The following SLC9C1 variants were observed in gnomAD, a reference collection of about 807,000 sequenced individuals.
SLC9C1 encodes the protein sodium/hydrogen exchanger 10.
Under a neutral mutation model 140.9 loss-of-function variants are expected in SLC9C1, and 97 were observed. The ratio of observed to expected loss-of-function variants is 0.69; its 90% CI spans 0.58 to 0.82. The LOEUF is 0.82. SLC9C1 is among the 40% of genes least tolerant of loss of function. The pLI is 0.00. For missense variants in SLC9C1, 1,340 were observed against 1,389.3 expected (o/e 0.96, Z 0.56); for synonymous variants, 440 against 442.6 (o/e 0.99, Z 0.07).
At chr3:112,159,557 T>C (rs1057279525) in intron 26 of SLC9C1, among the ~76,000 whole-genome samples, 40 of 152,156 alleles carry the variant, frequency 2.6e-4, no homozygotes, top group African/African-American at 9.4e-4. Context: ...TGAAATACTC[T>C]GTAAATGTCT....
chr3:112,244,856 G>C (rs997597223), intron 10 of SLC9C1, among the ~76,000 whole-genome samples: 2 of 152,184 alleles, frequency 1.3e-5, no homozygotes, highest in African/African-American at 4.8e-5. Context: ...GAAACTTTAA[G>C]ATATTGGTAC....
chr3:112,182,372 T>C lies in SLC9C1; in HGVS notation c.2524-114A>G, dbSNP rs1477327658. The stretch of plus-strand genomic sequence containing the variant: ...CTTGATCATTTGACATTTTTCTTCT[T>C]CCATGAACATTTTCAACCTCTCTTT... On this transcript the variant is annotated intron_variant, in intron 20 of 28. Coordinates refer to ENST00000305815, the MANE Select transcript of SLC9C1 (RefSeq NM_183061.3). 4 of 1,143,890 alleles carry C rather than the reference T, an allele frequency of 3.5e-6. No individual in the cohort carries two copies. The African/African-American group carries it at 4.7e-5, about 14-fold the overall frequency. The allele number at this position is 1,143,890 out of a possible 1,614,324, so 70.9% of individuals were successfully genotyped here.
rs565717324 is a variant in SLC9C1, at chr3:112,277,965, AG to A, written c.319-106del. On this transcript the variant is annotated intron_variant, in intron 4 of 28. Transcript: ENST00000305815. ...AGATACAGAATCAACCAACACCAAC[AG>A]TACCCACCAGCAGACACAGGAGTGG... 61 of 909,018 alleles carry A rather than the reference AG, an allele frequency of 6.7e-5. No homozygotes were observed. The African/African-American group carries it at 9.1e-4, about 14-fold the overall frequency. The allele number at this position is 909,018 out of a possible 1,614,324, so 56.3% of individuals were successfully genotyped here.
chr3:112,287,006 C>T (rs1559756174), intron 1 of SLC9C1, 128 bp from the exon 2 acceptor site: 2 of 430,354 alleles, frequency 4.6e-6, no homozygotes, highest in South Asian at 4.2e-5. Context: ...GATGCCTCTC[C>T]CTTCTATGAT....
At chr3:112,196,599 A>C (rs974538151) in intron 20 of SLC9C1, among the ~76,000 whole-genome samples, 6 of 152,012 alleles carry the variant, frequency 3.9e-5, no homozygotes, top group Non-Finnish European at 8.8e-5. Context: ...CAGACATGTA[A>C]TTTCCAGTGA....
At chr3:112,202,916 C>G (rs998002009) in intron 17 of SLC9C1, among the ~76,000 whole-genome samples, 5 of 151,916 alleles carry the variant, frequency 3.3e-5, no homozygotes, top group Non-Finnish European at 7.4e-5. Flanking sequence ...GTGCAGTCCC[C>G]TAGCTTCTGC....
At chr3:112,281,373 T>G (rs967715685) in intron 2 of SLC9C1, among the ~76,000 whole-genome samples, 3 of 152,136 alleles carry the variant, frequency 2.0e-5, no homozygotes, top group Non-Finnish European at 4.4e-5. Flanking sequence ...GGGTGCAGTC[T>G]CTGAAACTGG....
chr3:112,290,564 C>G (rs2080649809), intron 1 of SLC9C1, among the ~76,000 whole-genome samples: 1 of 152,098 alleles, frequency 6.6e-6, no homozygotes, highest in Non-Finnish European at 1.5e-5. Flanking sequence ...TAGAAGTCTA[C>G]AGGTTCATTT....
rs1560067690 is a variant in SLC9C1, at chr3:112,208,346, TGTATGGCATATACGAAAAAAGAA to T, written c.1795_1817del (p.Phe599AsnfsTer5). The T allele has an allele frequency of 1.9e-6, 3 of 1,576,714 alleles. No homozygotes were observed. The highest frequency in any genetic ancestry group is 1.7e-6 in the Non-Finnish European group (2 of 1,163,042). On this transcript the variant is annotated frameshift_variant, in exon 16 of 29. Transcript: ENST00000305815. LOFTEE classifies it high-confidence loss of function. ...GTTCAAATTCCTCAGTAAATACTAT[TGTATGGCATATACGAAAAAAGAA>T]GTATCTGTAAAACAAAAAGACAGTT...
At chr3:112,292,723 T>C (rs2080721905) in intron 1 of SLC9C1, among the ~76,000 whole-genome samples, 1 of 151,732 alleles carries the variant, frequency 6.6e-6, no homozygotes, top group African/African-American at 2.4e-5. Flanking sequence ...TTTTGTATTT[T>C]TAGTAGAGAC....
At chr3:112,185,977 C>T (rs1309300788) in intron 20 of SLC9C1, 19 of 1,555,816 alleles carry the variant, frequency 1.2e-5, no homozygotes, top group South Asian at 2.4e-5. Context: ...TCTCTGCTGC[C>T]GGCTGGGACC....
Position 112,286,759 on chromosome 3 carries a change from A to T in SLC9C1, c.33T>A (p.Ser11Arg). 6.2e-7 allele frequency: 1 copy of T among 1,612,724 alleles called. No homozygotes were observed. Among genetic ancestry groups the T allele is most frequent in the Non-Finnish European group, 8.5e-7 (1 of 1,179,548 alleles). ...GAATGACTTCAGGGAGGTCCTCAGT[A>T]CTGAAAAAAAACTCCTTAAATATTC... MAGIFKEFFF[S>R]TEDLPEVILT... The change falls in exon 2 of 29, where the codon AGT becomes AGA. Residue 11 changes from serine (S) to arginine (R), a missense_variant. Coordinates refer to ENST00000305815, the MANE Select transcript of SLC9C1 (RefSeq NM_183061.3).
At chr3:112,211,941 T>C (rs2078219003) in intron 15 of SLC9C1, among the ~76,000 whole-genome samples, 1 of 152,132 alleles carries the variant, frequency 6.6e-6, no homozygotes. Context: ...AGTAGCCTAA[T>C]TGGGAGGCAC....
chr3:112,168,551 G>T (rs190117463), intron 25 of SLC9C1, among the ~76,000 whole-genome samples: 1 of 152,178 alleles, frequency 6.6e-6, no homozygotes, highest in Non-Finnish European at 1.5e-5. Flanking sequence ...TCTGCAACAT[G>T]TGAGTAAAAT....
At chr3:112,206,294 G>A (rs7639963) in intron 16 of SLC9C1, among the ~76,000 whole-genome samples, 114,580 of 151,738 alleles carry the variant, frequency 0.76, 43,672 homozygotes, top group East Asian at 0.99. Context: ...CAAAACCACA[G>A]TGAGATAACA....
intron 20 of SLC9C1, among the ~76,000 whole-genome samples, chr3:112,184,772 A>G (rs2077501740): frequency 6.6e-6 from 1 of 152,262 alleles, no homozygotes; most frequent in Non-Finnish European, 1.5e-5. Context: ...CCCTGAGGCT[A>G]CAAACCGTGA....
At chr3:112,289,981 G>A (rs1357522574) in intron 1 of SLC9C1, among the ~76,000 whole-genome samples, 4 of 152,058 alleles carry the variant, frequency 2.6e-5, no homozygotes, top group African/African-American at 4.8e-5. Flanking sequence ...CTTGAGTACT[G>A]GGAACTCTAA....
chr3:112,215,796 A>G (rs1473994546), intron 15 of SLC9C1, among the ~76,000 whole-genome samples: 1 of 152,228 alleles, frequency 6.6e-6, no homozygotes, highest in Non-Finnish European at 1.5e-5. Flanking sequence ...TAATTTATAG[A>G]TTCAATACTA....
intron 17 of SLC9C1, 114 bp downstream of exon 17, chr3:112,204,104 T>TATTAAATTTAAATTTTAAATTTAAA: frequency 1.7e-6 from 2 of 1,152,176 alleles, no homozygotes; most frequent in South Asian, 6.2e-5. Context: ...ATTTAAAATA[T>TATTAAATTTAAATTTTAAATTTAAA]AAACATTAAC....
Sources: gnomAD v4.1 joint callset for allele counts (sites outside exome capture counted in the v4.1 genomes callset) on GRCh38, gnomAD v4.1.1 for gene constraint, MANE v1.5 for transcripts, NCBI Gene and HGNC (gene_info 2026-07-23, HGNC 2026-07-21) for gene names.